CSMD1: variants seen among roughly 807,000 people sequenced by gnomAD.
The protein encoded by CSMD1 is CUB and sushi domain-containing protein 1.
A neutral mutation model predicts 417.5 loss-of-function variants in CSMD1; 213 were observed. That is an observed-to-expected ratio of 0.51 (90% CI 0.46 to 0.57). The LOEUF (loss-of-function observed/expected upper bound fraction) is 0.57. Among genes scored for constraint, CSMD1 ranks in the 20% least tolerant of loss-of-function variants. The pLI is 0.00. For missense variants in CSMD1, 6,923 were observed against 4,529.7 expected (o/e 1.53, Z -15.17); for synonymous variants, 2,862 against 1,736.8 (o/e 1.65, Z -16.11).
chr8:2,993,395 G>A (rs1331241649), intron 54 of CSMD1, among the ~76,000 whole-genome samples: 1 of 152,068 alleles, frequency 6.6e-6, no homozygotes. Flanking sequence ...CAGCAGAGGG[G>A]GCTACTGTCT....
chr8:4,964,846 G>T lies in CSMD1; in HGVS notation c.85+29486C>A, dbSNP rs11991285. On this transcript the variant is annotated intron_variant, in intron 1 of 69. Coordinates refer to ENST00000635120, the MANE Select transcript of CSMD1 (RefSeq NM_033225.6). ...CCCACGATGGACTTTAATACCAGTCGTGTCTGATGTAATTGCTCCAGCTGT... is the reference window on the plus strand; with the variant it reads ...CCCACGATGGACTTTAATACCAGTCTTGTCTGATGTAATTGCTCCAGCTGT... Among the ~76,000 whole-genome samples the T allele has an allele frequency of 0.011, 1,737 of 152,246 alleles. 79 individuals are homozygous for T. In the East Asian group the frequency reaches 0.14, roughly 12 times the overall value.
At chr8:3,276,798 A>G (rs1396366406) in intron 26 of CSMD1, among the ~76,000 whole-genome samples, 3 of 152,158 alleles carry the variant, frequency 2.0e-5, no homozygotes, top group African/African-American at 2.4e-5. Flanking sequence ...TTCAACATTT[A>G]TGCACGTGGA....
chr8:3,168,025 G>C (rs1035080208), intron 37 of CSMD1, among the ~76,000 whole-genome samples: 1 of 150,638 alleles, frequency 6.6e-6, no homozygotes, highest in African/African-American at 2.4e-5. Context: ...ATGACTGGCA[G>C]AGTGTAAGGT....
At chr8:3,550,788 G>T (rs1798876344) in intron 10 of CSMD1, among the ~76,000 whole-genome samples, 1 of 152,180 alleles carries the variant, frequency 6.6e-6, no homozygotes, top group African/African-American at 2.4e-5. Context: ...TCCTTCCTGG[G>T]TCACAGACAG....
At chr8:3,273,540 CG>C (rs989343525) in intron 26 of CSMD1, among the ~76,000 whole-genome samples, 3 of 152,252 alleles carry the variant, frequency 2.0e-5, no homozygotes, top group Non-Finnish European at 2.9e-5. Context: ...TGGTAGAATT[CG>C]GTTGTGAGTC....
chr8:4,051,907 CCTTCCTTT>C (rs1798451170), intron 3 of CSMD1, among the ~76,000 whole-genome samples: 1 of 131,426 alleles, frequency 7.6e-6, no homozygotes, highest in African/African-American at 2.8e-5. Context: ...TTCCTTCCTT[CCTTCCTTT>C]CTTTCTTTTT....
At position 3,564,517 on chromosome 8, in the gene CSMD1, TTGTGTG is replaced by T. The variant is rs34665230; in HGVS notation, c.1344+10422_1344+10427del. On this transcript the variant is annotated intron_variant, in intron 10 of 69. Transcript: ENST00000635120. ...TAGAAATGCTGGCTCCACAGTATAT[TTGTGTG>T]TGTGTGTGTGTGTGTGTGTGTGTGT... 2.2e-3 allele frequency among the ~76,000 whole-genome samples: 323 copies of T among 145,488 alleles called. 6 individuals carry two copies. The East Asian group carries it at 0.053, about 24-fold the overall frequency.
chr8:3,635,970 G>T (rs1009307979), intron 7 of CSMD1, among the ~76,000 whole-genome samples: 7 of 151,964 alleles, frequency 4.6e-5, no homozygotes, highest in Non-Finnish European at 8.8e-5. Flanking sequence ...TTAGCTTTTG[G>T]CTCTTTTGTA....
At chr8:3,335,154 T>G (rs981039695) in intron 23 of CSMD1, among the ~76,000 whole-genome samples, 1 of 152,102 alleles carries the variant, frequency 6.6e-6, no homozygotes, top group Non-Finnish European at 1.5e-5. Flanking sequence ...ACCACTATGT[T>G]TCTCTCTCCC....
intron 1 of CSMD1, among the ~76,000 whole-genome samples, chr8:4,841,930 A>AACAAAAC (rs1554499186): frequency 2.7e-4 from 33 of 122,484 alleles, no homozygotes; most frequent in African/African-American, 9.7e-4. Context: ...AAAAAAAAAA[A>AACAAAAC]AAAAAAAAGT....
chr8:4,730,219 A>C (rs559085311), intron 1 of CSMD1, among the ~76,000 whole-genome samples: 2 of 150,762 alleles, frequency 1.3e-5, no homozygotes, highest in African/African-American at 4.8e-5. Flanking sequence ...AAAACAAAAC[A>C]AAACAAAACA....
chr8:4,055,376 AACTT>A lies in CSMD1; in HGVS notation c.416-23281_416-23278del, dbSNP rs1229700189. ...TTTTATAATTATTGTAAATTTCACA[AACTT>A]ACTAAGTGATTAATCCAATACATAT... On this transcript the variant is annotated intron_variant, in intron 3 of 69. Transcript: ENST00000635120. Among the ~76,000 whole-genome samples, 3 of 152,020 alleles carry A rather than the reference AACTT, an allele frequency of 2.0e-5. 1 individual carries two copies. Among genetic ancestry groups the A allele is most frequent in the Non-Finnish European group, 2.9e-5 (2 of 67,992 alleles).
intron 2 of CSMD1, among the ~76,000 whole-genome samples, chr8:4,544,580 T>C (rs893505724): frequency 1.3e-5 from 2 of 152,136 alleles, no homozygotes; most frequent in African/African-American, 4.8e-5. Context: ...AATTTATATA[T>C]TAATCTTAAA....
At chr8:4,649,074 G>A (rs933483983) in intron 1 of CSMD1, among the ~76,000 whole-genome samples, 6 of 152,206 alleles carry the variant, frequency 3.9e-5, no homozygotes, top group South Asian at 2.1e-4. Flanking sequence ...TATTTGCCAA[G>A]GTGCTCAAAA....
intron 10 of CSMD1, among the ~76,000 whole-genome samples, chr8:3,507,908 C>A (rs906191711): frequency 1.3e-5 from 2 of 151,890 alleles, no homozygotes; most frequent in Non-Finnish European, 2.9e-5. Context: ...TGGATATTAG[C>A]CCTTTGTCAG....
intron 2 of CSMD1, among the ~76,000 whole-genome samples, chr8:4,604,381 T>TTCTG (rs1554522664): frequency 6.6e-5 from 6 of 91,554 alleles, no homozygotes; most frequent in African/African-American, 1.6e-4. Context: ...ACAAATAGCA[T>TTCTG]TGTGTGTGTG....
At chr8:4,558,146 G>C (rs1266828252) in intron 2 of CSMD1, among the ~76,000 whole-genome samples, 1 of 151,992 alleles carries the variant, frequency 6.6e-6, no homozygotes, top group African/African-American at 2.4e-5. Context: ...ATAATAAGAA[G>C]TTAATCTGTG....
At position 3,533,695 on chromosome 8, in the gene CSMD1, G is replaced by A. The variant is rs956575475; in HGVS notation, c.1345-39969C>T. On this transcript the variant is annotated intron_variant, in intron 10 of 69. Transcript: ENST00000635120. ...TCCACTAACACTTATTTCACCACAC[G>A]TGCCTCCACCGTGATGTATCATCCT... is the stretch of plus-strand genomic sequence containing the variant. 3.9e-4 allele frequency among the ~76,000 whole-genome samples: 59 copies of A among 152,052 alleles called. 1 individual carries two copies. Among genetic ancestry groups the A allele is most frequent in the African/African-American group, 1.3e-3 (55 of 41,398 alleles).
chr8:4,181,957 C>CGTGTGTGTGTGT (rs146690880), intron 3 of CSMD1, among the ~76,000 whole-genome samples: 7 of 150,022 alleles, frequency 4.7e-5, no homozygotes, highest in Admixed American at 3.3e-4. Flanking sequence ...TCTGTGTCTG[C>CGTGTGTGTGTGT]GTGTGTGTGT....
Sources: gnomAD v4.1 joint callset for allele counts (sites outside exome capture counted in the v4.1 genomes callset) on GRCh38, gnomAD v4.1.1 for gene constraint, MANE v1.5 for transcripts, NCBI Gene and HGNC (gene_info 2026-07-23, HGNC 2026-07-21) for gene names.